The following GAD2 variants were observed in gnomAD, a reference collection of about 807,000 sequenced individuals.
The protein encoded by GAD2 is glutamate decarboxylase 2, also known as 65 kDa glutamic acid decarboxylase.
Under a neutral mutation model 80.1 loss-of-function variants are expected in GAD2, and 22 were observed. That is an observed-to-expected ratio of 0.27 (90% confidence interval 0.20 to 0.39). The LOEUF is 0.39. Among genes scored for constraint, GAD2 ranks in the 10% least tolerant of loss-of-function variants. The pLI is 1.00. For missense variants in GAD2, 624 were observed against 738.4 expected, an observed-to-expected ratio of 0.85 and a Z score of 1.80; for synonymous variants, 274 against 256.9, an observed-to-expected ratio of 1.07 and a Z score of -0.64.
chr10:26,227,570 A>G (rs980775492), intron 6 of GAD2, among the ~76,000 whole-genome samples: 5 of 152,176 alleles, frequency 3.3e-5, no homozygotes, highest in Admixed American at 6.5e-5. Context: ...TAAATTCTCA[A>G]ACAAGATCAT....
At chr10:26,238,065 G>T (rs2132282032) in intron 7 of GAD2, among the ~76,000 whole-genome samples, 1 of 151,324 alleles carries the variant, frequency 6.6e-6, no homozygotes, top group South Asian at 2.1e-4. Context: ...GAAAGGGATT[G>T]ACATGAATTT....
chr10:26,227,674 G>C (rs1296662145), intron 6 of GAD2, among the ~76,000 whole-genome samples: 1 of 152,180 alleles, frequency 6.6e-6, no homozygotes, highest in Non-Finnish European at 1.5e-5. Flanking sequence ...GTAGAAACCA[G>C]GGATGCTGCT....
chr10:26,230,003 C>G (rs1421236595), intron 7 of GAD2, among the ~76,000 whole-genome samples: 1 of 151,796 alleles, frequency 6.6e-6, no homozygotes, highest in Admixed American at 6.6e-5. Context: ...ATAGTGAAAC[C>G]CCATCTTCAC....
chr10:26,288,410 A>T (rs1834172779), intron 13 of GAD2, among the ~76,000 whole-genome samples: 1 of 152,172 alleles, frequency 6.6e-6, no homozygotes, highest in Non-Finnish European at 1.5e-5. Flanking sequence ...TGGTGGGGTG[A>T]CGGGCCCCCT....
At position 26,276,164 on chromosome 10, in the gene GAD2, A is replaced by AAAAAAT. The variant is rs544992148; in HGVS notation, c.1157+2480_1157+2485dup. On this transcript the variant is annotated intron_variant, in intron 11 of 15. Coordinates refer to ENST00000376261, the MANE Select transcript of GAD2 (RefSeq NM_001134366.2). ...CTGGGCAACAGAGACCCCATCTCTA[A>AAAAAAT]AAAAATAAAAATAAAAATAAATAAA... 7.4e-3 allele frequency among the ~76,000 whole-genome samples: 1,119 copies of AAAAAAT among 151,900 alleles called. 12 individuals are homozygous for AAAAAAT. The highest frequency in any genetic ancestry group is 0.012 in the Non-Finnish European group (817 of 67,940).
intron 11 of GAD2, among the ~76,000 whole-genome samples, chr10:26,277,261 A>G (rs2132309634): frequency 6.6e-6 from 1 of 152,342 alleles, no homozygotes; most frequent in Middle Eastern, 3.4e-3. Context: ...GGAGGATGCC[A>G]TGGTTTAACA....
At chr10:26,251,715 C>T (rs1054444438) in intron 8 of GAD2, among the ~76,000 whole-genome samples, 5 of 152,182 alleles carry the variant, frequency 3.3e-5, no homozygotes, top group African/African-American at 1.2e-4. Flanking sequence ...TCAGATTAAC[C>T]TTGCAAAAGA....
intron 12 of GAD2, among the ~76,000 whole-genome samples, chr10:26,282,411 C>A (rs1288927071): frequency 7.9e-5 from 12 of 151,458 alleles, no homozygotes; most frequent in Non-Finnish European, 1.6e-4. Flanking sequence ...ATATTTTCTC[C>A]CACAATTTTT....
Position 26,303,704 on chromosome 10 carries a change from A to G in GAD2, c.*2743A>G, listed in dbSNP as rs1834353087. 6.6e-6 allele frequency: 1 copy of G among 152,210 alleles called. No homozygotes were observed. The allele number at this position is 152,210 out of a possible 1,614,324, so 9.4% of individuals were successfully genotyped here. ...GAACAAACAAGTGTGATATGTCTTT[A>G]TCTGAGACCTATACATGGTATGGAC... On this transcript the variant is annotated 3_prime_UTR_variant, in exon 16 of 16. Transcript: ENST00000376261.
At chr10:26,273,380 G>A (rs1171091791) in intron 10 of GAD2, among the ~76,000 whole-genome samples, 2 of 152,212 alleles carry the variant, frequency 1.3e-5, no homozygotes, top group East Asian at 1.9e-4. Flanking sequence ...AGGTTTGGGA[G>A]AGGGTCTTTC....
chr10:26,293,961 T>A (rs1564673540), intron 15 of GAD2, among the ~76,000 whole-genome samples: 2 of 152,230 alleles, frequency 1.3e-5, no homozygotes, highest in African/African-American at 4.8e-5. Context: ...CATCCGAGCC[T>A]AAGGGCTTGA....
At chr10:26,268,330 T>C (rs1845095265) in intron 8 of GAD2, among the ~76,000 whole-genome samples, 1 of 152,036 alleles carries the variant, frequency 6.6e-6, no homozygotes, top group Non-Finnish European at 1.5e-5. Flanking sequence ...TAGCCAGGCA[T>C]GGTGGCGGGC....
chr10:26,250,746 C>CT (rs201754899), intron 8 of GAD2, among the ~76,000 whole-genome samples: 40 of 151,928 alleles, frequency 2.6e-4, no homozygotes, highest in South Asian at 1.0e-3. Context: ...TATATGCTCA[C>CT]TTTTTTTAAA....
intron 8 of GAD2, among the ~76,000 whole-genome samples, chr10:26,267,811 C>T (rs2132303072): frequency 6.6e-6 from 1 of 151,250 alleles, no homozygotes; most frequent in East Asian, 1.9e-4. Flanking sequence ...ACCCTTCTCA[C>T]TATATAATGC....
At chr10:26,247,274 TGTA>T (rs970279019) in intron 8 of GAD2, among the ~76,000 whole-genome samples, 4 of 151,992 alleles carry the variant, frequency 2.6e-5, no homozygotes, top group Non-Finnish European at 4.4e-5. Flanking sequence ...CTGGTGAGAG[TGTA>T]GCAGTGAGGA....
chr10:26,230,484 A>G (rs1197976004), intron 7 of GAD2, among the ~76,000 whole-genome samples: 1 of 152,146 alleles, frequency 6.6e-6, no homozygotes, highest in African/African-American at 2.4e-5. Context: ...ACTGTAGTGC[A>G]GTGGTGCAAT....
At chr10:26,280,535 G>C (rs1358861673) in intron 11 of GAD2, among the ~76,000 whole-genome samples, 1 of 152,124 alleles carries the variant, frequency 6.6e-6, no homozygotes, top group African/African-American at 2.4e-5. Flanking sequence ...TCCAAAGGAG[G>C]CAATCAGTTA....
intron 7 of GAD2, among the ~76,000 whole-genome samples, chr10:26,245,174 A>G (rs1844790150): frequency 6.6e-6 from 1 of 151,326 alleles, no homozygotes; most frequent in African/African-American, 2.4e-5. Context: ...AAAAAAGAAA[A>G]AAGAAAAAAG....
chr10:26,255,868 C>T (rs985688348), intron 8 of GAD2, among the ~76,000 whole-genome samples: 10 of 147,316 alleles, frequency 6.8e-5, no homozygotes, highest in Admixed American at 3.4e-4. Context: ...GAGAAAGCAA[C>T]GGGAGAGTGA....
Sources: allele counts gnomAD v4.1 joint callset (sites outside exome capture counted in the v4.1 genomes callset), GRCh38; gene constraint gnomAD v4.1.1; transcripts MANE v1.5; gene names NCBI Gene and HGNC (gene_info 2026-07-23, HGNC 2026-07-21).